RP1: variants seen among roughly 807,000 people sequenced by gnomAD.
RP1 encodes RP1 axonemal microtubule associated, also known as oxygen-regulated protein 1.
RP1 carries 16 observed loss-of-function variants against 14.8 expected under a neutral mutation model. The ratio of observed to expected loss-of-function variants is 1.08; its 90% CI spans 0.73 to 1.65. RP1 has a LOEUF of 1.65. RP1 is among the 40% of genes most tolerant of loss of function. The pLI is 0.00. For missense variants in RP1, 2,631 were observed against 2,535.0 expected, an observed-to-expected ratio of 1.04 and a Z score of -0.81; for synonymous variants, 876 against 883.6, an observed-to-expected ratio of 0.99 and a Z score of 0.15.
At chr8:54,767,596 G>T (rs750644574) in intron 22 of RP1, among the ~76,000 whole-genome samples, 2 of 152,086 alleles carry the variant, frequency 1.3e-5, no homozygotes, top group Non-Finnish European at 2.9e-5. Flanking sequence ...CTGACCTCAG[G>T]TGATCCATCT....
intron 3 of RP1, among the ~76,000 whole-genome samples, chr8:54,646,090 T>G (rs1464427559): frequency 2.6e-5 from 4 of 152,184 alleles, no homozygotes; most frequent in Non-Finnish European, 5.9e-5. Flanking sequence ...GAATTTTGTC[T>G]ATTCACATTT....
At chr8:54,605,943 GA>G (rs1190537878) in intron 1 of RP1, among the ~76,000 whole-genome samples, 5 of 48,578 alleles carry the variant, frequency 1.0e-4, no homozygotes, top group African/African-American at 4.0e-4. Flanking sequence ...CTCTGCACAT[GA>G]TGAGATGGGT....
chr8:54,575,555 A>T (rs1017585529), intron 1 of RP1, among the ~76,000 whole-genome samples: 11 of 152,206 alleles, frequency 7.2e-5, no homozygotes, highest in Middle Eastern at 3.2e-3. Context: ...TTACACTTTT[A>T]GATATTATAA....
intron 1 of RP1, among the ~76,000 whole-genome samples, chr8:54,606,759 C>T (rs1805455692): frequency 6.6e-6 from 1 of 152,028 alleles, no homozygotes. Context: ...TTCTTTTTTT[C>T]TCTAAACTTC....
intron 27 of RP1, among the ~76,000 whole-genome samples, chr8:54,860,437 T>C (rs1215860757): frequency 2.6e-5 from 4 of 151,684 alleles, no homozygotes; most frequent in African/African-American, 9.8e-5. Flanking sequence ...AAATGGAATA[T>C]AGAAAGCTTC....
chr8:54,682,257 T>A (rs891892550), intron 12 of RP1, among the ~76,000 whole-genome samples: 1 of 152,064 alleles, frequency 6.6e-6, no homozygotes, highest in Non-Finnish European at 1.5e-5. Context: ...TTTTTTTTTT[T>A]TACTTTAAGT....
At chr8:54,663,668 G>A in intron 6 of RP1, 1 of 1,500,636 alleles carries the variant, frequency 6.7e-7, no homozygotes, top group Non-Finnish European at 8.8e-7. Flanking sequence ...GTACTGCTTG[G>A]CACTGAAAGT....
intron 3 of RP1, among the ~76,000 whole-genome samples, chr8:54,643,416 C>T (rs982978751): frequency 2.0e-5 from 3 of 152,134 alleles, no homozygotes; most frequent in Non-Finnish European, 2.9e-5. Context: ...TACAAATAAG[C>T]TTGCCTTTTT....
intron 1 of RP1, among the ~76,000 whole-genome samples, chr8:54,573,262 T>C (rs968381160): frequency 3.9e-5 from 6 of 152,182 alleles, no homozygotes; most frequent in African/African-American, 1.2e-4. Flanking sequence ...TTATTTTCCA[T>C]TTGGTCTTTC....
intron 12 of RP1, among the ~76,000 whole-genome samples, chr8:54,693,467 A>G (rs571967019): frequency 2.6e-5 from 4 of 152,182 alleles, no homozygotes; most frequent in South Asian, 4.1e-4. Flanking sequence ...ATGTTCTTCC[A>G]TTTGTTTGTA....
intron 1 of RP1, among the ~76,000 whole-genome samples, chr8:54,565,014 C>G (rs556330049): frequency 3.3e-5 from 5 of 152,140 alleles, no homozygotes; most frequent in Non-Finnish European, 7.4e-5. Flanking sequence ...CCTCTGCCTC[C>G]CAAAGTGTTG....
At chr8:54,782,120 A>G (rs1172799524) in intron 23 of RP1, among the ~76,000 whole-genome samples, 2 of 152,218 alleles carry the variant, frequency 1.3e-5, no homozygotes, top group Non-Finnish European at 2.9e-5. Context: ...TTCTGTAAGA[A>G]TTAAGTTATG....
intron 25 of RP1, among the ~76,000 whole-genome samples, chr8:54,843,378 G>A (rs866831621): frequency 6.6e-6 from 1 of 152,084 alleles, no homozygotes; most frequent in African/African-American, 2.4e-5. Flanking sequence ...CATGGTGCCC[G>A]GCCCAGAGGT....
chr8:54,828,054 C>T lies in RP1; in HGVS notation c.3616-9396C>T, dbSNP rs554957492. Among the ~76,000 whole-genome samples, 4 of 152,256 alleles carry T rather than the reference C, an allele frequency of 2.6e-5. No homozygotes were observed. The East Asian group carries it at 7.7e-4, about 29-fold the overall frequency. On this transcript the variant is annotated intron_variant, in intron 24 of 28. Coordinates refer to the RP1 transcript ENST00000637698. ...TCTTGTCCCACTGGAAGGTCTTCAG[C>T]GACAAAAACATGCATGGAGCTGTCA...
chr8:54,602,818 G>C (rs1458083580), intron 1 of RP1, among the ~76,000 whole-genome samples: 1 of 152,040 alleles, frequency 6.6e-6, no homozygotes, highest in Non-Finnish European at 1.5e-5. Flanking sequence ...TGTGTCTTTT[G>C]GCTGCATAAA....
Position 54,627,952 on chromosome 8 carries a change from A to G in RP1, c.4070A>G (p.Asp1357Gly). 6.2e-7 allele frequency: 1 copy of G among 1,614,104 alleles called. No individual in the cohort carries two copies. The highest frequency in any genetic ancestry group is 8.5e-7 in the Non-Finnish European group (1 of 1,179,968). Residue 1357 changes from aspartate to glycine, a missense_variant, in exon 4 of 4, where the codon GAT becomes GGT. Coordinates refer to ENST00000220676, the MANE Select transcript of RP1 (RefSeq NM_006269.2). ...SKENTYTDNL[D>G]STEELERGDD... ...GAAAACACATATACTGATAACTTGG[A>G]TTCAACTGAAGAGTTAGAAAGAGGT...
At chr8:54,601,554 C>T (rs1000262638) in intron 1 of RP1, among the ~76,000 whole-genome samples, 1 of 137,380 alleles carries the variant, frequency 7.3e-6, no homozygotes, top group Non-Finnish European at 1.5e-5. Context: ...CACATGTATC[C>T]TAAAACTTAA....
At chr8:54,800,487 A>T (rs930710812) in intron 24 of RP1, among the ~76,000 whole-genome samples, 3 of 151,936 alleles carry the variant, frequency 2.0e-5, no homozygotes, top group Non-Finnish European at 4.4e-5. Context: ...AAGATTCCAA[A>T]TGTATGTATA....
chr8:54,792,490 T>A (rs1810488812), intron 24 of RP1, among the ~76,000 whole-genome samples: 1 of 151,910 alleles, frequency 6.6e-6, no homozygotes, highest in Non-Finnish European at 1.5e-5. Context: ...TCAAGAAGAT[T>A]GAAATTACAT....
Sources: allele counts gnomAD v4.1 joint callset (sites outside exome capture counted in the v4.1 genomes callset), GRCh38; gene constraint gnomAD v4.1.1; transcripts MANE v1.5; gene names NCBI Gene and HGNC (gene_info 2026-07-23, HGNC 2026-07-21).